The following CD226 variants were observed in gnomAD, a reference collection of about 807,000 sequenced individuals.
The protein encoded by CD226 is CD226 molecule.
A neutral mutation model predicts 34.9 loss-of-function variants in CD226; 24 were observed. That is an observed-to-expected ratio of 0.69 (90% CI 0.50 to 0.97). The LOEUF (loss-of-function observed/expected upper bound fraction) is 0.97, where lower values mean the gene tolerates loss of function less well. CD226 is among the 50% of genes least tolerant of loss of function. The pLI, the probability that CD226 is intolerant of heterozygous loss-of-function variation, is 0.00. For missense variants in CD226, 397 were observed against 412.7 expected (o/e 0.96, Z 0.33); for synonymous variants, 148 against 147.4 (o/e 1.00, Z -0.03).
At chr18:69,897,692 G>A (rs989354961) in intron 2 of CD226, among the ~76,000 whole-genome samples, 1 of 151,744 alleles carries the variant, frequency 6.6e-6, no homozygotes, top group Admixed American at 6.6e-5. Flanking sequence ...AAGGAGGGAG[G>A]AAGAAAAAAG....
intron 2 of CD226, among the ~76,000 whole-genome samples, chr18:69,903,290 A>G (rs2055210668): frequency 6.6e-6 from 1 of 152,164 alleles, no homozygotes; most frequent in Admixed American, 6.5e-5. Context: ...TTCAAGCAGA[A>G]TAGAAACAGA....
At position 69,914,213 on chromosome 18, in the gene CD226, C is replaced by A. The variant is rs557318331; in HGVS notation, c.383-18168G>T. On this transcript the variant is annotated intron_variant, in intron 2 of 5. Transcript: ENST00000582621. ...TATATAATATTTCAGATCACACCTG[C>A]AAAACTACTCTACGACCTTGACATT... Among the ~76,000 whole-genome samples the A allele has an allele frequency of 2.3e-3, 343 of 152,304 alleles. 1 individual carries two copies. Among genetic ancestry groups the A allele is most frequent in the African/African-American group, 7.9e-3 (329 of 41,562 alleles).
rs1199465357 is a variant in CD226 at position 69,934,304 on chromosome 18, ACACACACG to A, written c.382+12422_382+12429del. Among the ~76,000 whole-genome samples the A allele has an allele frequency of 2.4e-3, 360 of 152,050 alleles. 2 individuals are homozygous for A. The highest frequency in any genetic ancestry group is 8.4e-3 in the African/African-American group (349 of 41,392). The stretch of plus-strand genomic sequence containing the variant: ...TACACACACACACACACACACACAC[ACACACACG>A]CACGCACACCCCTTCACTAAGCAAT... On this transcript the variant is annotated intron_variant, in intron 2 of 5. Transcript: ENST00000582621.
At chr18:69,875,192 G>A (rs1983789295) in intron 3 of CD226, among the ~76,000 whole-genome samples, 2 of 152,292 alleles carry the variant, frequency 1.3e-5, no homozygotes, top group African/African-American at 4.8e-5. Context: ...AGGCTGGAGT[G>A]CAGTGGCACA....
chr18:69,882,555 C>T (rs577363730), intron 3 of CD226, among the ~76,000 whole-genome samples: 1 of 152,264 alleles, frequency 6.6e-6, no homozygotes, highest in South Asian at 2.1e-4. Context: ...TTACGGCTGA[C>T]TCCTTTGTAT....
upstream of CD226, among the ~76,000 whole-genome samples, chr18:69,951,168 G>A (rs888958987): frequency 6.6e-6 from 1 of 151,852 alleles, no homozygotes; most frequent in Non-Finnish European, 1.5e-5. Context: ...ACAGGGTCTT[G>A]CTACATTGCC....
At chr18:69,932,005 C>G (rs2055594985) in intron 2 of CD226, among the ~76,000 whole-genome samples, 1 of 152,208 alleles carries the variant, frequency 6.6e-6, no homozygotes, top group Admixed American at 6.5e-5. Flanking sequence ...AGATGACCCT[C>G]TGTGTCCTAA....
intron 2 of CD226, among the ~76,000 whole-genome samples, chr18:69,909,641 T>G (rs1161609944): frequency 6.6e-6 from 1 of 152,192 alleles, no homozygotes; most frequent in Non-Finnish European, 1.5e-5. Flanking sequence ...GAAAAGCAAG[T>G]AGCCCAGAAA....
chr18:69,876,644 G>A (rs547923011), intron 3 of CD226, among the ~76,000 whole-genome samples: 4 of 152,158 alleles, frequency 2.6e-5, no homozygotes, highest in African/African-American at 9.6e-5. Context: ...CACAGCAATC[G>A]TCAACAGACT....
intron 4 of CD226, among the ~76,000 whole-genome samples, chr18:69,871,278 T>C (rs1007332630): frequency 2.0e-5 from 3 of 152,288 alleles, no homozygotes; most frequent in Non-Finnish European, 4.4e-5. Flanking sequence ...AACACCTCGG[T>C]TCCTTACTTC....
At chr18:69,887,703 A>G (rs144435504) in intron 3 of CD226, among the ~76,000 whole-genome samples, 12 of 152,328 alleles carry the variant, frequency 7.9e-5, no homozygotes, top group African/African-American at 2.9e-4. Flanking sequence ...CTGTGAGTTA[A>G]TTAATTAAAA....
chr18:69,885,122 T>C lies in CD226; in HGVS notation c.727+10579A>G, dbSNP rs142964048. On this transcript the variant is annotated intron_variant, in intron 3 of 5. Transcript: ENST00000582621. ...TACCATTATGCTTATCCTCAGGAAATAGGAAATTTTTCAAATGTTGTAGTG... is the reference window on the plus strand; with the variant it reads ...TACCATTATGCTTATCCTCAGGAAACAGGAAATTTTTCAAATGTTGTAGTG... Among the ~76,000 whole-genome samples, 57 of 152,226 alleles carry C rather than the reference T, an allele frequency of 3.7e-4. No individual in the cohort carries two copies. The East Asian group carries it at 0.01, about 27-fold the overall frequency.
intron 3 of CD226, among the ~76,000 whole-genome samples, chr18:69,882,408 C>T (rs557350580): frequency 1.3e-5 from 2 of 152,098 alleles, no homozygotes; most frequent in Non-Finnish European, 1.5e-5. Context: ...TCTTCTGGTG[C>T]GATAATGTAG....
chr18:69,877,991 C>T (rs887168451), intron 3 of CD226, among the ~76,000 whole-genome samples: 1 of 152,158 alleles, frequency 6.6e-6, no homozygotes. Context: ...CTGGCCTATA[C>T]AGGGCTTGCA....
intron 2 of CD226, among the ~76,000 whole-genome samples, chr18:69,939,478 T>C (rs934594778): frequency 6.6e-6 from 1 of 152,234 alleles, no homozygotes; most frequent in Admixed American, 6.5e-5. Flanking sequence ...AATGTGTGAA[T>C]AGACCTCAGT....
intron 2 of CD226, among the ~76,000 whole-genome samples, chr18:69,915,632 T>G (rs1368830499): frequency 6.6e-6 from 1 of 152,218 alleles, no homozygotes; most frequent in Admixed American, 6.5e-5. Context: ...TTTGCCATTC[T>G]CCTTGGCTCT....
chr18:69,954,123 G>A (rs1356005974), intron 1 of CD226, among the ~76,000 whole-genome samples: 1 of 152,038 alleles, frequency 6.6e-6, no homozygotes, highest in African/African-American at 2.4e-5. Flanking sequence ...ATTCACCCCA[G>A]GTCTTACCAA....
intron 2 of CD226, among the ~76,000 whole-genome samples, chr18:69,919,090 A>G (rs543229351): frequency 6.6e-6 from 1 of 152,378 alleles, no homozygotes; most frequent in African/African-American, 2.4e-5. Context: ...AAAGAGCCGA[A>G]AGGAAATAAA....
rs1985049726 is a variant in CD226 at position 69,893,898 on chromosome 18, G to A, written c.727+1803C>T. The stretch of plus-strand genomic sequence containing the variant: ...ACACAGAGCTATAGTGGAAGCTTCT[G>A]TTTATACAAGACCTTTTCTTCTTCA... On this transcript the variant is annotated intron_variant, in intron 3 of 5. Coordinates refer to ENST00000582621, the MANE Select transcript of CD226 (RefSeq NM_001303618.2). 2.0e-5 allele frequency among the ~76,000 whole-genome samples: 3 copies of A among 152,218 alleles called. No homozygotes were observed. The South Asian group carries it at 6.2e-4, about 32-fold the overall frequency.
Sources: allele counts gnomAD v4.1 joint callset (sites outside exome capture counted in the v4.1 genomes callset), GRCh38; gene constraint gnomAD v4.1.1; transcripts MANE v1.5; gene names NCBI Gene and HGNC (gene_info 2026-07-23, HGNC 2026-07-21).